The following WDPCP variants were observed in gnomAD, a reference collection of about 807,000 sequenced individuals.
WDPCP encodes WD repeat-containing and planar cell polarity effector protein fritz homolog.
WDPCP carries 71 observed loss-of-function variants against 93.1 expected under a neutral mutation model. The observed-to-expected ratio is 0.76, with a 90% CI of 0.63 to 0.93. WDPCP has a LOEUF of 0.93. Ranked by LOEUF, WDPCP falls within the 40% of genes least tolerant of loss-of-function variation. The pLI is 0.00. For missense variants in WDPCP, 844 were observed against 887.4 expected (o/e 0.95, Z 0.62); for synonymous variants, 315 against 315.0 (o/e 1.00, Z 0.00).
At chr2:63,302,903 C>G (rs927606353) in intron 13 of WDPCP, among the ~76,000 whole-genome samples, 1 of 152,180 alleles carries the variant, frequency 6.6e-6, no homozygotes, top group African/African-American at 2.4e-5. Flanking sequence ...GACCTGTAAA[C>G]ACATGGCAAT....
At chr2:63,539,304 T>C (rs1195334954) in intron 1 of WDPCP, among the ~76,000 whole-genome samples, 1 of 152,194 alleles carries the variant, frequency 6.6e-6, no homozygotes, top group African/African-American at 2.4e-5. Context: ...ATTGTACAGA[T>C]ATTACAAGGT....
At chr2:63,582,995 T>C (rs1708592310) in intron 1 of WDPCP, among the ~76,000 whole-genome samples, 1 of 152,024 alleles carries the variant, frequency 6.6e-6, no homozygotes, top group African/African-American at 2.4e-5. Flanking sequence ...AGACTGAAAA[T>C]AGTAACCATA....
intron 2 of WDPCP, among the ~76,000 whole-genome samples, chr2:63,697,507 C>T (rs981878593): frequency 6.6e-6 from 1 of 152,142 alleles, no homozygotes; most frequent in Non-Finnish European, 1.5e-5. Context: ...ACTAAAAAAT[C>T]GTATGATCAT....
At chr2:63,240,250 C>T (rs1679761192) in intron 14 of WDPCP, among the ~76,000 whole-genome samples, 2 of 152,070 alleles carry the variant, frequency 1.3e-5, no homozygotes, top group South Asian at 2.1e-4. Flanking sequence ...ATGATCACAA[C>T]TCACTGTAAC....
At chr2:63,453,122 A>G in intron 6 of WDPCP, among the ~76,000 whole-genome samples, 1 of 152,264 alleles carries the variant, frequency 6.6e-6, no homozygotes, top group East Asian at 1.9e-4. Flanking sequence ...GAGCTTCTGC[A>G]CAGCAAAAGA....
intron 1 of WDPCP, among the ~76,000 whole-genome samples, chr2:63,823,608 TTC>T: frequency 6.6e-6 from 1 of 152,306 alleles, no homozygotes. Flanking sequence ...GTTGTTTGTT[TTC>T]TCTCTGTCTC....
intron 12 of WDPCP, among the ~76,000 whole-genome samples, chr2:63,334,393 T>C (rs975149164): frequency 1.3e-5 from 2 of 152,108 alleles, no homozygotes; most frequent in Non-Finnish European, 2.9e-5. Context: ...GGGAGACATG[T>C]GACATCAATC....
At chr2:63,474,883 T>A (rs528481937) in intron 6 of WDPCP, among the ~76,000 whole-genome samples, 2 of 152,154 alleles carry the variant, frequency 1.3e-5, no homozygotes, top group Admixed American at 6.5e-5. Context: ...AGTAAATGTC[T>A]GCACAGTAAA....
At chr2:63,513,170 G>A (rs959917120) in intron 1 of WDPCP, among the ~76,000 whole-genome samples, 6 of 151,848 alleles carry the variant, frequency 4.0e-5, no homozygotes, top group Non-Finnish European at 8.8e-5. Flanking sequence ...AGAAATAATA[G>A]GTCTATTAAA....
At chr2:63,155,497 G>A (rs968929407) in intron 15 of WDPCP, among the ~76,000 whole-genome samples, 7 of 152,148 alleles carry the variant, frequency 4.6e-5, no homozygotes, top group Non-Finnish European at 8.8e-5. Context: ...CTGTGTGTCT[G>A]TCCTTTTACT....
intron 2 of WDPCP, among the ~76,000 whole-genome samples, chr2:63,751,081 CATCTGA>C (rs1189928183): frequency 6.6e-6 from 1 of 152,016 alleles, no homozygotes; most frequent in African/African-American, 2.4e-5. Flanking sequence ...TCAGTGAAAC[CATCTGA>C]ATCTAGATTT....
At chr2:63,463,870 G>GCTGCTTTTTATCAC in intron 6 of WDPCP, among the ~76,000 whole-genome samples, 1 of 152,194 alleles carries the variant, frequency 6.6e-6, no homozygotes, top group Admixed American at 6.5e-5. Context: ...AATGTAGAGA[G>GCTGCTTTTTATCAC]AGAACCCTGG....
intron 3 of WDPCP, chr2:63,594,351 C>T: frequency 1.3e-6 from 1 of 768,456 alleles, no homozygotes; most frequent in Middle Eastern, 2.3e-4. Flanking sequence ...TCATTTTCTA[C>T]TGAGCCAGAT....
At chr2:63,330,864 A>C (rs985456940) in intron 12 of WDPCP, among the ~76,000 whole-genome samples, 69 of 138,450 alleles carry the variant, frequency 5.0e-4, no homozygotes, top group Non-Finnish European at 8.6e-4. Context: ...CTGTTCCCCA[A>C]GGCTTTTTTT....
At chr2:63,734,428 ATC>A (rs201149967) in intron 2 of WDPCP, among the ~76,000 whole-genome samples, 2,531 of 152,288 alleles carry the variant, frequency 0.017, 22 homozygotes, top group African/African-American at 0.017. Flanking sequence ...GTGACCAGTT[ATC>A]TACATCTAAC....
intron 1 of WDPCP, among the ~76,000 whole-genome samples, chr2:63,528,300 G>A (rs1703517614): frequency 6.6e-6 from 1 of 152,196 alleles, no homozygotes; most frequent in Non-Finnish European, 1.5e-5. Flanking sequence ...CCATGCCTAT[G>A]TCCTGAATGG....
chr2:63,455,413 GATATATATATAT>G (rs59481179), intron 6 of WDPCP, among the ~76,000 whole-genome samples: 4 of 140,914 alleles, frequency 2.8e-5, no homozygotes, highest in East Asian at 2.1e-4. Context: ...TACTTGTAAA[GATATATATATAT>G]ATATATATAT....
At chr2:63,756,725 A>T (rs1669974260) in intron 2 of WDPCP, among the ~76,000 whole-genome samples, 1 of 152,218 alleles carries the variant, frequency 6.6e-6, no homozygotes. Flanking sequence ...AAGACTGTGT[A>T]TAGATTAAAA....
chr2:63,594,467 A>T lies in WDPCP; in HGVS notation n.488+56192T>A, dbSNP rs764060722. Reference sequence around the variant, plus strand: ...AGGTACAGTAGTACTTAAAGATGTTAATGGGTCTTTTTCATTACAGTCTGA... The same window carrying T: ...AGGTACAGTAGTACTTAAAGATGTTTATGGGTCTTTTTCATTACAGTCTGA... On this transcript the variant is annotated intron_variant and non_coding_transcript_variant, in intron 3 of 4. Coordinates refer to the WDPCP transcript ENST00000467687. The T allele has an allele frequency of 3.2e-6, 5 of 1,548,744 alleles. No homozygotes were observed. The South Asian group carries it at 4.5e-5, about 14-fold the overall frequency.
Sources: allele counts gnomAD v4.1 joint callset (sites outside exome capture counted in the v4.1 genomes callset), GRCh38; gene constraint gnomAD v4.1.1; transcripts MANE v1.5; gene names NCBI Gene and HGNC (gene_info 2026-07-23, HGNC 2026-07-21).